Variants in MMP16 observed in about 807,000 individuals in gnomAD.
MMP16 encodes the protein matrix metalloproteinase-16.
MMP16 carries 12 observed loss-of-function variants against 67.8 expected under a neutral mutation model. The observed-to-expected ratio is 0.18, with a 90% CI of 0.11 to 0.29. The LOEUF (loss-of-function observed/expected upper bound fraction) is 0.29, where lower values mean the gene tolerates loss of function less well. Among genes scored for constraint, MMP16 ranks in the 10% least tolerant of loss-of-function variants. MMP16 has a pLI of 1.00. For missense variants in MMP16, 475 were observed against 765.7 expected (o/e 0.62, Z 4.48); for synonymous variants, 249 against 255.9 (o/e 0.97, Z 0.26).
At chr8:88,135,871 T>A (rs531298706) in intron 4 of MMP16, among the ~76,000 whole-genome samples, 1 of 151,920 alleles carries the variant, frequency 6.6e-6, no homozygotes, top group Admixed American at 6.6e-5. Flanking sequence ...ACAGTGAAAT[T>A]TGGGTTTGGA....
chr8:88,168,772 T>C (rs558471213), intron 3 of MMP16, among the ~76,000 whole-genome samples: 12 of 152,138 alleles, frequency 7.9e-5, no homozygotes, highest in Non-Finnish European at 1.6e-4. Context: ...AAAGCATGCA[T>C]GTGAAAAAAA....
chr8:88,202,965 C>G (rs147265932), intron 1 of MMP16, among the ~76,000 whole-genome samples: 2 of 152,164 alleles, frequency 1.3e-5, no homozygotes, highest in African/African-American at 4.8e-5. Context: ...GTCACAGACT[C>G]AACTCGCCTT....
At chr8:88,183,009 C>G (rs994092964) in intron 3 of MMP16, among the ~76,000 whole-genome samples, 1 of 151,054 alleles carries the variant, frequency 6.6e-6, no homozygotes, top group South Asian at 2.1e-4. Context: ...AAAGGCAAAA[C>G]GATGGAGACA....
chr8:88,242,296 C>T lies in MMP16; in HGVS notation c.133-44990G>A, dbSNP rs574285114. Among the ~76,000 whole-genome samples, 14 of 152,130 alleles carry T rather than the reference C, an allele frequency of 9.2e-5. No individual in the cohort carries two copies. The South Asian group carries it at 2.3e-3, about 25-fold the overall frequency. ...GATTCATCACTTTCTTTCTTTTTTA[C>T]CTTTGTTTCCTAACATTTATGTCTT... On this transcript the variant is annotated intron_variant, in intron 1 of 9. Coordinates refer to ENST00000286614, the MANE Select transcript of MMP16 (RefSeq NM_005941.5).
chr8:88,195,465 T>A (rs980432291), intron 2 of MMP16, among the ~76,000 whole-genome samples: 6 of 152,196 alleles, frequency 3.9e-5, no homozygotes, highest in Admixed American at 2.6e-4. Context: ...CAGCTCTCCA[T>A]TAAGAACAAG....
rs149014767 is a variant in MMP16, at chr8:88,052,378, CTTG to C, written c.1373+3747_1373+3749del. On this transcript the variant is annotated intron_variant, in intron 8 of 9. Transcript: ENST00000286614. The stretch of plus-strand genomic sequence containing the variant: ...CCTAAAATCCAAGCCCTGAGGACAA[CTTG>C]TTATCATACTCAAAATGTATCCTGC... Among the ~76,000 whole-genome samples the C allele has an allele frequency of 4.3e-3, 652 of 152,262 alleles. 3 individuals carry two copies. Among genetic ancestry groups the C allele is most frequent in the African/African-American group, 0.015 (623 of 41,562 alleles).
chr8:88,157,700 C>G (rs1006741104), intron 4 of MMP16, among the ~76,000 whole-genome samples: 1 of 151,820 alleles, frequency 6.6e-6, no homozygotes, highest in Non-Finnish European at 1.5e-5. Flanking sequence ...ACTTTAAGTT[C>G]TAGGGTACAT....
chr8:88,247,453 G>T (rs946140858), intron 1 of MMP16, among the ~76,000 whole-genome samples: 1 of 152,040 alleles, frequency 6.6e-6, no homozygotes. Context: ...GGAAACACGT[G>T]GCACGTTCAA....
At chr8:88,187,688 A>G (rs1171279382) in intron 2 of MMP16, among the ~76,000 whole-genome samples, 1 of 152,208 alleles carries the variant, frequency 6.6e-6, no homozygotes, top group Non-Finnish European at 1.5e-5. Flanking sequence ...ACAAAATCCA[A>G]TAATGTGCTT....
chr8:88,264,940 A>G (rs1181783789), intron 1 of MMP16, among the ~76,000 whole-genome samples: 5 of 152,216 alleles, frequency 3.3e-5, no homozygotes, highest in Admixed American at 3.3e-4. Flanking sequence ...AGTGTTTCCA[A>G]TGACTTGGCA....
At chr8:88,285,654 CTA>C in intron 1 of MMP16, among the ~76,000 whole-genome samples, 1 of 152,228 alleles carries the variant, frequency 6.6e-6, no homozygotes, top group Middle Eastern at 3.4e-3. Context: ...GATCTTGTCT[CTA>C]TTTATATATT....
intron 8 of MMP16, among the ~76,000 whole-genome samples, chr8:88,048,009 A>G (rs1808220831): frequency 6.6e-6 from 1 of 152,206 alleles, no homozygotes; most frequent in East Asian, 1.9e-4. Context: ...GGGATGTGAA[A>G]GAGAAGGAAG....
intron 2 of MMP16, among the ~76,000 whole-genome samples, chr8:88,190,778 T>C (rs1429503962): frequency 6.6e-6 from 1 of 152,200 alleles, no homozygotes; most frequent in Non-Finnish European, 1.5e-5. Flanking sequence ...TAAAATCTAG[T>C]CACCACCTTT....
intron 1 of MMP16, among the ~76,000 whole-genome samples, chr8:88,294,399 T>C (rs1426150232): frequency 6.6e-6 from 1 of 150,658 alleles, no homozygotes; most frequent in East Asian, 1.9e-4. Context: ...TATATACATA[T>C]GTATATACAT....
intron 6 of MMP16, among the ~76,000 whole-genome samples, chr8:88,113,747 T>C (rs1809381489): frequency 6.6e-6 from 1 of 151,912 alleles, no homozygotes; most frequent in African/African-American, 2.4e-5. Flanking sequence ...AAGTGGAACA[T>C]CTGTATGAAG....
intron 6 of MMP16, among the ~76,000 whole-genome samples, chr8:88,077,637 A>G (rs1015996963): frequency 6.6e-6 from 1 of 152,224 alleles, no homozygotes; most frequent in African/African-American, 2.4e-5. Context: ...CCTTACACAT[A>G]ATAGGTGCAC....
At chr8:88,093,228 C>T (rs907966133) in intron 6 of MMP16, among the ~76,000 whole-genome samples, 1 of 151,782 alleles carries the variant, frequency 6.6e-6, no homozygotes, top group Admixed American at 6.6e-5. Context: ...AAAATGATTG[C>T]TCTAGGGATG....
chr8:88,098,919 T>C (rs930060178), intron 6 of MMP16, among the ~76,000 whole-genome samples: 4 of 151,886 alleles, frequency 2.6e-5, no homozygotes, highest in African/African-American at 9.7e-5. Flanking sequence ...CTATGAATGA[T>C]ACATATGTAG....
At chr8:88,130,969 T>G (rs746144098) in intron 4 of MMP16, among the ~76,000 whole-genome samples, 6 of 151,784 alleles carry the variant, frequency 4.0e-5, no homozygotes, top group Non-Finnish European at 8.8e-5. Context: ...AAATCCCTAA[T>G]TGTGAGATTT....
Sources: gnomAD v4.1 joint callset for allele counts (sites outside exome capture counted in the v4.1 genomes callset) on GRCh38, gnomAD v4.1.1 for gene constraint, MANE v1.5 for transcripts, NCBI Gene and HGNC (gene_info 2026-07-23, HGNC 2026-07-21) for gene names.